TLK1: variants seen among roughly 807,000 people sequenced by gnomAD.
The protein encoded by TLK1 is serine/threonine-protein kinase tousled-like 1.
TLK1 carries 24 observed loss-of-function variants against 105.3 expected under a neutral mutation model. The ratio of observed to expected loss-of-function variants is 0.23; its 90% CI spans 0.17 to 0.32. The LOEUF (loss-of-function observed/expected upper bound fraction) is 0.32. TLK1 is among the 10% of genes least tolerant of loss of function. The probability of loss-of-function intolerance (pLI) is 1.00; values close to 1 mark genes in which losing one functional copy is unlikely to be tolerated. For missense variants in TLK1, 558 were observed against 910.5 expected (o/e 0.61, Z 4.98); for synonymous variants, 321 against 310.4 (o/e 1.03, Z -0.36).
intron 2 of TLK1, among the ~76,000 whole-genome samples, chr2:171,096,428 C>T (rs1326252783): frequency 2.6e-5 from 4 of 152,024 alleles, no homozygotes; most frequent in Non-Finnish European, 4.4e-5. Flanking sequence ...TAATAAAACA[C>T]TTCCATTTAC....
chr2:171,059,441 C>T (rs1225926765), intron 4 of TLK1, among the ~76,000 whole-genome samples: 2 of 152,182 alleles, frequency 1.3e-5, no homozygotes, highest in African/African-American at 4.8e-5. Flanking sequence ...TATTAGAAAT[C>T]CAATTTTGTT....
chr2:171,143,096 TGAAG>T (rs1452043261), intron 1 of TLK1, among the ~76,000 whole-genome samples: 1 of 151,912 alleles, frequency 6.6e-6, no homozygotes, highest in African/African-American at 2.4e-5. Flanking sequence ...AATGACTGAA[TGAAG>T]GAATGAATGA....
Position 171,058,141 on chromosome 2 carries a change from A to G in TLK1, c.453+10T>C, listed in dbSNP as rs951397280. On this transcript the variant is annotated intron_variant, in intron 5 of 20. Transcript: ENST00000431350. ...AATTAGGAAATGGAGACAATCCTCAATGAACTTACTTCAAAATAGTCGCTA... is the reference window on the plus strand; with the variant it reads ...AATTAGGAAATGGAGACAATCCTCAGTGAACTTACTTCAAAATAGTCGCTA... 4 of 1,613,218 alleles carry G rather than the reference A, an allele frequency of 2.5e-6. No individual in the cohort carries two copies. The African/African-American group carries it at 4.0e-5, about 16-fold the overall frequency.
At chr2:171,167,149 A>G (rs62169015) in intron 1 of TLK1, among the ~76,000 whole-genome samples, 4,696 of 152,342 alleles carry the variant, frequency 0.031, 92 homozygotes, top group Non-Finnish European at 0.05. Flanking sequence ...CCACTTGTTA[A>G]GCTGGGTGGG....
At chr2:171,025,841 G>T (rs544151279) in intron 12 of TLK1, among the ~76,000 whole-genome samples, 1 of 152,098 alleles carries the variant, frequency 6.6e-6, no homozygotes, top group South Asian at 2.1e-4. Flanking sequence ...ATTAATACTC[G>T]GTTCTAAGCA....
At chr2:170,999,768 A>T (rs971039936) in intron 18 of TLK1, among the ~76,000 whole-genome samples, 11 of 150,838 alleles carry the variant, frequency 7.3e-5, no homozygotes, top group African/African-American at 9.7e-5. Flanking sequence ...TTTTATTTTT[A>T]TTTTTTTTTG....
At chr2:171,085,522 C>T (rs1688934952) in intron 2 of TLK1, among the ~76,000 whole-genome samples, 1 of 151,968 alleles carries the variant, frequency 6.6e-6, no homozygotes, top group Non-Finnish European at 1.5e-5. Context: ...CTAGGAATAA[C>T]AACCCAGAAA....
At chr2:171,049,549 A>T (rs774766886) in intron 10 of TLK1, among the ~76,000 whole-genome samples, 2 of 152,196 alleles carry the variant, frequency 1.3e-5, no homozygotes, top group Non-Finnish European at 2.9e-5. Flanking sequence ...TCAAAACATC[A>T]TCTGTAAAGC....
At position 170,991,017 on chromosome 2, in the gene TLK1, A is replaced by G. The variant is rs1179574867; in HGVS notation, c.*2763T>C. On this transcript the variant is annotated 3_prime_UTR_variant, in exon 21 of 21. Transcript: ENST00000431350. ...GGTAGTGAGTGTTTAAAAAAAAAAA[A>G]AAGATTGAGTCTTTATTTTTGAAAA... 1 of 152,156 alleles carries G rather than the reference A, an allele frequency of 6.6e-6. No homozygotes were observed. The highest frequency in any genetic ancestry group is 1.5e-5 in the Non-Finnish European group (1 of 68,040). 9.4% of individuals were successfully genotyped at this position (152,156 alleles called of 1,614,324 possible). A position where few individuals can be genotyped will look rare whatever the true frequency, so the allele number is the denominator to read the frequency against.
In TLK1 at chr2:171,064,067, C is replaced by T. The variant is rs538594688; in HGVS notation, c.331-2911G>A. ...TGGGACAGTCCATTGGCAAAAATGT[C>T]TTTTCATTAAACCAACCAAAAAGCA... On this transcript the variant is annotated intron_variant, in intron 3 of 20. Transcript: ENST00000431350. Among the ~76,000 whole-genome samples, 3 of 152,270 alleles carry T rather than the reference C, an allele frequency of 2.0e-5. No homozygotes were observed. The South Asian group carries it at 6.2e-4, about 32-fold the overall frequency.
chr2:171,213,853 G>T (rs1189113818), intron 1 of TLK1, among the ~76,000 whole-genome samples: 1 of 147,928 alleles, frequency 6.8e-6, no homozygotes, highest in Admixed American at 6.7e-5. Context: ...CTCCCAAGTA[G>T]CTGGGACTAC....
intron 1 of TLK1, among the ~76,000 whole-genome samples, chr2:171,119,843 T>C (rs945113761): frequency 6.6e-6 from 1 of 152,172 alleles, no homozygotes; most frequent in Non-Finnish European, 1.5e-5. Context: ...AATGCCTGAA[T>C]ATAAGACCTA....
chr2:171,107,123 G>A (rs1377322963), intron 2 of TLK1, among the ~76,000 whole-genome samples: 3 of 152,156 alleles, frequency 2.0e-5, no homozygotes, highest in African/African-American at 7.2e-5. Context: ...AGTGTCCCAG[G>A]AGTATTGTCT....
intron 12 of TLK1, among the ~76,000 whole-genome samples, chr2:171,027,333 T>C (rs1685820552): frequency 6.6e-6 from 1 of 152,168 alleles, no homozygotes; most frequent in Admixed American, 6.5e-5. Context: ...AAGAACTTTA[T>C]GTCTGTCAGT....
chr2:171,084,327 C>T (rs1688875903), intron 2 of TLK1, among the ~76,000 whole-genome samples: 1 of 152,216 alleles, frequency 6.6e-6, no homozygotes, highest in South Asian at 2.1e-4. Flanking sequence ...CTAGCCTCCA[C>T]GAATCCTTGA....
chr2:171,085,879 T>C (rs748637020), intron 2 of TLK1, among the ~76,000 whole-genome samples: 2 of 152,198 alleles, frequency 1.3e-5, no homozygotes, highest in Non-Finnish European at 2.9e-5. Context: ...GCAAAGTTAA[T>C]AGTACAGTAT....
chr2:171,117,368 A>C (rs1690480021), intron 2 of TLK1, among the ~76,000 whole-genome samples: 1 of 152,134 alleles, frequency 6.6e-6, no homozygotes, highest in Admixed American at 6.5e-5. Flanking sequence ...TCCTTGGCCC[A>C]GGGGTTGAGG....
chr2:171,098,625 G>A lies in TLK1; in HGVS notation c.259-15773C>T, dbSNP rs565063063. ...GAAGGAACACTTACCAACTCATTCT[G>A]GAAAAACAATATTACCTGATAGTGA... On this transcript the variant is annotated intron_variant, in intron 2 of 20. Transcript: ENST00000431350. Among the ~76,000 whole-genome samples the A allele has an allele frequency of 3.3e-5, 5 of 152,082 alleles. 1 individual carries two copies. The highest frequency in any genetic ancestry group is 1.2e-4 in the African/African-American group (5 of 41,486).
intron 3 of TLK1, among the ~76,000 whole-genome samples, chr2:171,064,796 C>A (rs892146544): frequency 1.2e-4 from 19 of 152,120 alleles, no homozygotes; most frequent in African/African-American, 4.3e-4. Flanking sequence ...TGTAATCATA[C>A]CAAAACCTGA....
Sources: allele counts gnomAD v4.1 joint callset (sites outside exome capture counted in the v4.1 genomes callset), GRCh38; gene constraint gnomAD v4.1.1; transcripts MANE v1.5; gene names NCBI Gene and HGNC (gene_info 2026-07-23, HGNC 2026-07-21).